DNAH11: variants seen among roughly 807,000 people sequenced by gnomAD.
The protein encoded by DNAH11 is dynein axonemal heavy chain 11.
Under a neutral mutation model 526.0 loss-of-function variants are expected in DNAH11, and 442 were observed. The observed-to-expected ratio is 0.84, with a 90% confidence interval of 0.78 to 0.91. The LOEUF is 0.91. Ranked by LOEUF, DNAH11 falls within the 40% of genes least tolerant of loss-of-function variation. The probability of loss-of-function intolerance (pLI) is 0.00; values close to 1 mark genes in which losing one functional copy is unlikely to be tolerated. For missense variants in DNAH11, 6,989 were observed against 5,448.7 expected (o/e 1.28, Z -8.90); for synonymous variants, 2,461 against 1,935.9 (o/e 1.27, Z -7.12).
chr7:21,782,907 C>CAA (rs747285978), intron 57 of DNAH11, among the ~76,000 whole-genome samples: 1 of 64,492 alleles, frequency 1.6e-5, no homozygotes, highest in Admixed American at 1.6e-4. Flanking sequence ...GAAACTGTCT[C>CAA]AAAAAAAAAA....
In DNAH11 at chr7:21,901,099, C is replaced by A; in HGVS notation, c.13396C>A (p.Pro4466Thr). The change falls in exon 82 of 82, where the codon CCC becomes ACC. Residue 4466 changes from proline (P) to threonine (T), a missense_variant. By Grantham distance (38) the Pro-to-Thr change is conservative. Transcript: ENST00000409508. ...GCCGGTCATCTTTGCAAAAGCCACC[C>A]CCGTGGACAGACAAGAAACCAAACA... ...PMPVIFAKATPVDRQETKQTY... is the reference protein window; with the variant it reads ...PMPVIFAKATTVDRQETKQTY... The A allele has an allele frequency of 6.2e-7, 1 of 1,613,638 alleles. No individual in the cohort carries two copies. The highest frequency in any genetic ancestry group is 8.5e-7 in the Non-Finnish European group (1 of 1,179,628).
At chr7:21,625,112 T>G (rs1786267056) in intron 25 of DNAH11, among the ~76,000 whole-genome samples, 1 of 152,094 alleles carries the variant, frequency 6.6e-6, no homozygotes, top group South Asian at 2.1e-4. Context: ...AGGGTTAGTA[T>G]TAGTTCTTCT....
intron 65 of DNAH11, among the ~76,000 whole-genome samples, chr7:21,827,608 A>G (rs1367240042): frequency 6.6e-6 from 1 of 151,916 alleles, no homozygotes; most frequent in Non-Finnish European, 1.5e-5. Context: ...CTAGAAAGGA[A>G]CTTAAAATTG....
intron 18 of DNAH11, among the ~76,000 whole-genome samples, chr7:21,605,784 C>G (rs1416793077): frequency 6.6e-6 from 1 of 152,126 alleles, no homozygotes. Context: ...AAAGTCATTT[C>G]CAGAGCACTT....
Position 21,704,457 on chromosome 7 carries a change from T to C in DNAH11, c.6297T>C (p.Asp2099=), listed in dbSNP as rs1225380811. 1.2e-6 allele frequency: 2 copies of C among 1,613,528 alleles called. No individual in the cohort carries two copies. Among genetic ancestry groups the C allele is most frequent in the African/African-American group, 1.3e-5 (1 of 74,918 alleles). ...EDQVLMRALR[D]FNMPKIVTDD... ...AGGTACTCATGAGAGCATTAAGGGA[T>C]TTCAATATGCCCAAAATAGTGACTG... The change falls in exon 38 of 82, where the codon GAT becomes GAC. Residue 2099 remains aspartate (D), a synonymous_variant. Coordinates refer to ENST00000409508, the MANE Select transcript of DNAH11 (RefSeq NM_001277115.2).
intron 65 of DNAH11, among the ~76,000 whole-genome samples, chr7:21,839,524 G>A (rs1238266854): frequency 6.6e-6 from 1 of 151,034 alleles, no homozygotes; most frequent in Non-Finnish European, 1.5e-5. Flanking sequence ...TCAGGGATCC[G>A]AGATCACACC....
chr7:21,802,360 A>G (rs1168000530), intron 62 of DNAH11, among the ~76,000 whole-genome samples: 1 of 152,178 alleles, frequency 6.6e-6, no homozygotes, highest in Non-Finnish European at 1.5e-5. Flanking sequence ...GCTATGGGGA[A>G]ATGCTGGTTG....
chr7:21,654,863 C>T (rs1272161614), intron 28 of DNAH11, among the ~76,000 whole-genome samples: 5 of 152,166 alleles, frequency 3.3e-5, no homozygotes, highest in Non-Finnish European at 7.3e-5. Flanking sequence ...ACATGTCATT[C>T]TCTCCTTTCC....
At chr7:21,869,302 T>C (rs534339292) in intron 73 of DNAH11, among the ~76,000 whole-genome samples, 4 of 152,274 alleles carry the variant, frequency 2.6e-5, no homozygotes, top group African/African-American at 7.2e-5. Context: ...CGCAGGCTTG[T>C]TTAGATTGCT....
chr7:21,699,394 G>A (rs1783975276), intron 36 of DNAH11, among the ~76,000 whole-genome samples: 1 of 152,076 alleles, frequency 6.6e-6, no homozygotes, highest in African/African-American at 2.4e-5. Flanking sequence ...TTAAAATTCA[G>A]CCATATGATC....
intron 57 of DNAH11, among the ~76,000 whole-genome samples, chr7:21,782,984 T>G (rs16872969): frequency 0.012 from 1,768 of 145,588 alleles, 40 homozygotes; most frequent in African/African-American, 0.042. Context: ...ACCAAAAATC[T>G]ATGATCCTGA....
rs1554281335 is a variant in DNAH11 at position 21,789,808 on chromosome 7, TTTTC to T, written c.10026+508_10026+511del. Among the ~76,000 whole-genome samples, 287 of 34,078 alleles carry T rather than the reference TTTTC, an allele frequency of 8.4e-3. 2 individuals carry two copies. The highest frequency in any genetic ancestry group is 0.025 in the Middle Eastern group (2 of 80). The allele number at this position is 34,078 out of a possible 152,430, so 22.4% of individuals were successfully genotyped here. On this transcript the variant is annotated intron_variant, in intron 61 of 81. Transcript: ENST00000409508. Reference sequence around the variant, plus strand: ...TTCTTTCTTTCTTTCTTTCTTTCTTTTTTCTTTCTTTCTTTCTTTCTTTCTTTCT... The same window carrying T: ...TTCTTTCTTTCTTTCTTTCTTTCTTTTTTCTTTCTTTCTTTCTTTCTTTCT...
At chr7:21,620,589 GT>G (rs1006092881) in intron 25 of DNAH11, among the ~76,000 whole-genome samples, 6 of 151,920 alleles carry the variant, frequency 3.9e-5, no homozygotes, top group Middle Eastern at 3.4e-3. Flanking sequence ...TATACTTTAA[GT>G]TTTAGGGTAC....
At chr7:21,726,936 T>TTTTTTTTTC (rs1785140891) in intron 45 of DNAH11, among the ~76,000 whole-genome samples, 1 of 35,240 alleles carries the variant, frequency 2.8e-5, no homozygotes, top group Non-Finnish European at 4.3e-5. Context: ...TCCTCTTTTC[T>TTTTTTTTTC]TTTTTTTTTT....
Position 21,591,422 on chromosome 7 carries a change from C to G in DNAH11, c.2512C>G (p.Gln838Glu). The G allele has an allele frequency of 6.2e-7, 1 of 1,613,906 alleles. No homozygotes were observed. The highest frequency in any genetic ancestry group is 8.5e-7 in the Non-Finnish European group (1 of 1,179,862). ...CACACAGAAAAACGTGAAGGTGATCCAGCAGACCATGAGGGGCTGGGCCAG... is the reference window on the plus strand; with the variant it reads ...CACACAGAAAAACGTGAAGGTGATCGAGCAGACCATGAGGGGCTGGGCCAG... ...ERTQKNVKVI[Q>E]QTMRGWARCV... Residue 838 changes from glutamine (Q) to glutamate (E), a missense_variant, in exon 14 of 82, where the codon CAG becomes GAG. Transcript: ENST00000409508.
At chr7:21,678,429 A>G (rs760166521) in intron 30 of DNAH11, among the ~76,000 whole-genome samples, 30 of 152,178 alleles carry the variant, frequency 2.0e-4, no homozygotes, top group Non-Finnish European at 4.0e-4. Context: ...TTTGTATGCC[A>G]GTACCACACT....
At chr7:21,752,589 A>G (rs1028371360) in intron 54 of DNAH11, among the ~76,000 whole-genome samples, 24 of 152,138 alleles carry the variant, frequency 1.6e-4, no homozygotes, top group African/African-American at 2.7e-4. Context: ...TAACTTTCCA[A>G]TTTTTTAAAG....
rs185039235 is a variant in DNAH11 at position 21,570,555 on chromosome 7, G to A, written c.1425+256G>A. 1.8e-4 allele frequency: 53 copies of A among 301,166 alleles called. No individual in the cohort carries two copies. In the East Asian group the frequency reaches 3.0e-3, roughly 17 times the overall value. The allele number at this position is 301,166 out of a possible 1,614,324, so 18.7% of individuals were successfully genotyped here. ...TATAAGTAAATCTCTTTATGTATCAGTGACTCTTAGAATTGACTAATCTGA... is the reference window on the plus strand; with the variant it reads ...TATAAGTAAATCTCTTTATGTATCAATGACTCTTAGAATTGACTAATCTGA... On this transcript the variant is annotated intron_variant, in intron 7 of 81. Coordinates refer to ENST00000409508, the MANE Select transcript of DNAH11 (RefSeq NM_001277115.2).
rs368052967 is a variant in DNAH11, at chr7:21,818,289, A to G, written c.10641A>G (p.Ile3547Met). The G allele has an allele frequency of 2.2e-5, 35 of 1,612,248 alleles. No homozygotes were observed. The highest frequency in any genetic ancestry group is 2.8e-5 in the Non-Finnish European group (33 of 1,179,056). Residue 3547 changes from isoleucine (I) to methionine (M), a missense_variant, in exon 65 of 82, where the codon ATA (isoleucine) becomes ATG (methionine). Physicochemically the swap from Ile to Met is conservative, Grantham distance 10. Transcript: ENST00000409508. ...VILIENLEET[I>M]DPVLDPLLGR... ...TAATTGAAAATCTCGAGGAAACGATAGATCCAGTCCTGGATCCACTACTTG... is the reference window on the plus strand; with the variant it reads ...TAATTGAAAATCTCGAGGAAACGATGGATCCAGTCCTGGATCCACTACTTG...
Sources: allele counts gnomAD v4.1 joint callset (sites outside exome capture counted in the v4.1 genomes callset), GRCh38; gene constraint gnomAD v4.1.1; transcripts MANE v1.5; gene names NCBI Gene and HGNC (gene_info 2026-07-23, HGNC 2026-07-21).